The following UNC5D variants were observed in gnomAD, a reference collection of about 807,000 sequenced individuals.
The protein encoded by UNC5D is unc-5 netrin receptor D, also known as netrin receptor UNC5D.
UNC5D carries 39 observed loss-of-function variants against 105.4 expected under a neutral mutation model. That is an observed-to-expected ratio of 0.37 (90% CI 0.29 to 0.48). UNC5D has a LOEUF of 0.48. UNC5D is among the 20% of genes least tolerant of loss of function. The pLI is 0.98. For synonymous variants in UNC5D, 452 were observed against 450.4 expected (o/e 1.00, Z -0.04); for missense variants, 991 against 1,202.4 (o/e 0.82, Z 2.60).
rs749540340 is a variant in UNC5D at position 35,392,800 on chromosome 8, T to C, written c.104-156492T>C. Reference sequence around the variant, plus strand: ...ATATGGAAGATGGATTTCACAGAAATTGGAAGAACCTTGTTCATTGCAGCC... The same window carrying C: ...ATATGGAAGATGGATTTCACAGAAACTGGAAGAACCTTGTTCATTGCAGCC... On this transcript the variant is annotated intron_variant, in intron 1 of 16. Transcript: ENST00000404895. Among the ~76,000 whole-genome samples the C allele has an allele frequency of 2.0e-5, 3 of 152,292 alleles. 1 individual carries two copies. The highest frequency in any genetic ancestry group is 4.1e-4 in the South Asian group (2 of 4,830).
At chr8:35,368,589 A>G (rs7357379) in intron 1 of UNC5D, among the ~76,000 whole-genome samples, 1 of 146,104 alleles carries the variant, frequency 6.8e-6, no homozygotes, top group Non-Finnish European at 1.5e-5. Context: ...ATTCAATTGT[A>G]TATTATATTA....
At chr8:35,755,346 G>A (rs937445208) in intron 13 of UNC5D, among the ~76,000 whole-genome samples, 3 of 152,080 alleles carry the variant, frequency 2.0e-5, no homozygotes, top group Admixed American at 6.6e-5. Flanking sequence ...TGGCATTAAG[G>A]TGGATTTAGA....
chr8:35,631,416 A>G (rs927609786), intron 4 of UNC5D, among the ~76,000 whole-genome samples: 1 of 152,218 alleles, frequency 6.6e-6, no homozygotes, highest in Non-Finnish European at 1.5e-5. Flanking sequence ...ACAGCTTGAC[A>G]TAGTTCTTCA....
chr8:35,602,650 C>G (rs1054367841), intron 4 of UNC5D, among the ~76,000 whole-genome samples: 1 of 152,162 alleles, frequency 6.6e-6, no homozygotes, highest in African/African-American at 2.4e-5. Context: ...GTGATATCCC[C>G]TTTGTCATTT....
intron 13 of UNC5D, among the ~76,000 whole-genome samples, chr8:35,751,532 G>T (rs1204728057): frequency 6.6e-6 from 1 of 152,146 alleles, no homozygotes; most frequent in African/African-American, 2.4e-5. Flanking sequence ...AAGTTAGTTT[G>T]GCCTATACAC....
At chr8:35,273,178 T>G (rs537820073) in intron 1 of UNC5D, among the ~76,000 whole-genome samples, 1 of 152,252 alleles carries the variant, frequency 6.6e-6, no homozygotes, top group African/African-American at 2.4e-5. Flanking sequence ...AAATATGGAG[T>G]ATCTCAATAA....
chr8:35,294,340 G>A (rs2128864757), intron 1 of UNC5D, among the ~76,000 whole-genome samples: 1 of 152,018 alleles, frequency 6.6e-6, no homozygotes, highest in African/African-American at 2.4e-5. Flanking sequence ...ACCTGTTCAG[G>A]TAGATATCCT....
chr8:35,688,403 A>G (rs1826167578), intron 7 of UNC5D, among the ~76,000 whole-genome samples: 1 of 152,218 alleles, frequency 6.6e-6, no homozygotes. Flanking sequence ...GGCACCTGCT[A>G]CCTGTTGTAT....
chr8:35,410,640 C>A (rs1805105215), intron 1 of UNC5D, among the ~76,000 whole-genome samples: 1 of 152,032 alleles, frequency 6.6e-6, no homozygotes, highest in South Asian at 2.1e-4. Flanking sequence ...TACCCAGAAA[C>A]ACAGTCAGAA....
At chr8:35,296,723 G>T (rs1363275506) in intron 1 of UNC5D, among the ~76,000 whole-genome samples, 1 of 151,920 alleles carries the variant, frequency 6.6e-6, no homozygotes, top group African/African-American at 2.4e-5. Flanking sequence ...GCCTGGCCGT[G>T]GTAAGTACCT....
At chr8:35,756,725 C>A (rs776105063) in intron 13 of UNC5D, among the ~76,000 whole-genome samples, 4 of 152,082 alleles carry the variant, frequency 2.6e-5, no homozygotes, top group Non-Finnish European at 4.4e-5. Context: ...TCCATGTTTT[C>A]ATGTGTAAAT....
At chr8:35,375,018 A>T (rs1802619856) in intron 1 of UNC5D, among the ~76,000 whole-genome samples, 1 of 152,200 alleles carries the variant, frequency 6.6e-6, no homozygotes, top group Non-Finnish European at 1.5e-5. Flanking sequence ...TGACTTTTAA[A>T]ATCCTATATA....
intron 15 of UNC5D, among the ~76,000 whole-genome samples, chr8:35,771,795 CAG>C (rs1010225304): frequency 9.8e-5 from 15 of 152,286 alleles, no homozygotes; most frequent in Admixed American, 2.0e-4. Context: ...TGTCTTGAAA[CAG>C]GGTGCTATAG....
At chr8:35,294,287 G>A (rs1216066881) in intron 1 of UNC5D, among the ~76,000 whole-genome samples, 5 of 152,010 alleles carry the variant, frequency 3.3e-5, no homozygotes, top group Non-Finnish European at 7.4e-5. Context: ...GTCCTAGGTG[G>A]TACTTTCTCC....
At chr8:35,713,196 A>T (rs1349096672) in intron 8 of UNC5D, among the ~76,000 whole-genome samples, 1 of 152,214 alleles carries the variant, frequency 6.6e-6, no homozygotes, top group Non-Finnish European at 1.5e-5. Context: ...AGACATAAGC[A>T]CAGACACAAG....
intron 8 of UNC5D, among the ~76,000 whole-genome samples, chr8:35,707,089 G>A (rs1017029166): frequency 6.6e-6 from 1 of 152,224 alleles, no homozygotes; most frequent in South Asian, 2.1e-4. Context: ...AAATCTTAGG[G>A]TATTAAAATT....
At chr8:35,411,485 C>T (rs1485406643) in intron 1 of UNC5D, among the ~76,000 whole-genome samples, 1 of 152,042 alleles carries the variant, frequency 6.6e-6, no homozygotes, top group Non-Finnish European at 1.5e-5. Context: ...AAGCCACTTA[C>T]TCATGTGTGC....
rs141233747 is a variant in UNC5D, at chr8:35,458,879, A to G, written c.104-90413A>G. Reference sequence around the variant, plus strand: ...GACGTCTTGAAATTGGCAATAAAGCATGGAGCATCCTATAAAGACCAAGAC... The same window carrying G: ...GACGTCTTGAAATTGGCAATAAAGCGTGGAGCATCCTATAAAGACCAAGAC... On this transcript the variant is annotated intron_variant, in intron 1 of 16. Coordinates refer to ENST00000404895, the MANE Select transcript of UNC5D (RefSeq NM_080872.4). Among the ~76,000 whole-genome samples the G allele has an allele frequency of 1.2e-4, 18 of 152,296 alleles. No homozygotes were observed. The East Asian group carries it at 3.5e-3, about 29-fold the overall frequency.
intron 1 of UNC5D, among the ~76,000 whole-genome samples, chr8:35,533,672 C>T (rs893465683): frequency 6.6e-6 from 1 of 152,230 alleles, no homozygotes; most frequent in African/African-American, 2.4e-5. Context: ...AGTTTGATCT[C>T]AGACTGCTGT....
Sources: allele counts gnomAD v4.1 joint callset (sites outside exome capture counted in the v4.1 genomes callset), GRCh38; gene constraint gnomAD v4.1.1; transcripts MANE v1.5; gene names NCBI Gene and HGNC (gene_info 2026-07-23, HGNC 2026-07-21).